EXOC1: variants seen among roughly 807,000 people sequenced by gnomAD.
EXOC1 encodes SEC3-like 1.
EXOC1 carries 67 observed loss-of-function variants against 107.7 expected under a neutral mutation model. The observed-to-expected ratio is 0.62, with a 90% CI of 0.51 to 0.76. The LOEUF (loss-of-function observed/expected upper bound fraction) is 0.76, where lower values mean the gene tolerates loss of function less well. Ranked by LOEUF, EXOC1 falls within the 30% of genes least tolerant of loss-of-function variation. The probability of loss-of-function intolerance (pLI) is 0.00; values close to 1 mark genes in which losing one functional copy is unlikely to be tolerated. For missense variants in EXOC1, 833 were observed against 1,055.7 expected, an observed-to-expected ratio of 0.79 and a Z score of 2.92; for synonymous variants, 348 against 353.5, an observed-to-expected ratio of 0.98 and a Z score of 0.17.
chr4:55,899,978 C>A, intron 17 of EXOC1, 94 bp downstream of exon 17: 1 of 1,126,446 alleles, frequency 8.9e-7, no homozygotes, highest in South Asian at 1.7e-5. Context: ...CTTAAATTTT[C>A]TCATGTGTTG....
intron 9 of EXOC1, 100 bp from the exon 10 acceptor site, chr4:55,883,723 T>C: frequency 1.5e-6 from 1 of 666,196 alleles, no homozygotes; most frequent in Admixed American, 4.0e-5. Flanking sequence ...AGTTTTGGAC[T>C]ATGAAATTTA....
chr4:55,858,735 G>C (rs1343771428), intron 2 of EXOC1, among the ~76,000 whole-genome samples: 1 of 152,106 alleles, frequency 6.6e-6, no homozygotes, highest in East Asian at 1.9e-4. Context: ...AAATTTACCT[G>C]TTTAAGCCTT....
chr4:55,854,465 G>C (rs1720770759), intron 1 of EXOC1, among the ~76,000 whole-genome samples: 1 of 151,916 alleles, frequency 6.6e-6, no homozygotes, highest in South Asian at 2.1e-4. Context: ...GGACCTCTAG[G>C]GATTTATTTA....
At chr4:55,889,548 G>A (rs184829617) in intron 11 of EXOC1, among the ~76,000 whole-genome samples, 15 of 152,206 alleles carry the variant, frequency 9.9e-5, no homozygotes, top group African/African-American at 3.6e-4. Context: ...AGTGATGTAT[G>A]TATTACATTT....
In EXOC1 at chr4:55,857,180, T is replaced by C. The variant is rs1425702631; in HGVS notation, c.-10-1134T>C. Among the ~76,000 whole-genome samples the C allele has an allele frequency of 2.8e-4, 33 of 118,988 alleles. 1 individual carries two copies. Among genetic ancestry groups the C allele is most frequent in the African/African-American group, 1.0e-3 (32 of 30,670 alleles). 78.1% of individuals were successfully genotyped at this position (118,988 alleles called of 152,430 possible). A position where few individuals can be genotyped will look rare whatever the true frequency, so the allele number is the denominator to read the frequency against. On this transcript the variant is annotated intron_variant, in intron 1 of 18. Transcript: ENST00000381295. ...ATTTCCTTTTTTTCTTTTTTTTTTT[T>C]TTTTTTTTTTTTTTTGGAGACAGAG...
chr4:55,867,201 A>T (rs1199866693), intron 4 of EXOC1, among the ~76,000 whole-genome samples: 2 of 152,174 alleles, frequency 1.3e-5, no homozygotes, highest in East Asian at 3.9e-4. Flanking sequence ...ATGACAGTTG[A>T]ACTTTTTCGC....
intron 4 of EXOC1, among the ~76,000 whole-genome samples, chr4:55,866,373 C>T (rs1721959801): frequency 6.6e-6 from 1 of 151,974 alleles, no homozygotes; most frequent in African/African-American, 2.4e-5. Flanking sequence ...GAATCTTTGA[C>T]TTGAATCCTT....
chr4:55,869,727 T>G (rs1312597879), intron 5 of EXOC1, among the ~76,000 whole-genome samples: 3 of 152,222 alleles, frequency 2.0e-5, no homozygotes, highest in Non-Finnish European at 4.4e-5. Context: ...CCCTTCTGAC[T>G]CTTAAAGTCG....
rs1011949968 is a variant in EXOC1 at position 55,893,601 on chromosome 4, C to A, written c.1774C>A (p.Pro592Thr). ...MMIKIFRCIE[P>T]ELNNLIALGD... ...GATTAAAATATTTCGCTGCATTGAG[C>A]CAGAGCTGAACAACCTAATTGCATT... is the stretch of plus-strand genomic sequence containing the variant. The change falls in exon 15 of 19, where the codon CCA becomes ACA. Residue 592 changes from proline to threonine, a missense_variant. By Grantham distance (38) the Pro-to-Thr change is conservative. Coordinates refer to ENST00000381295, the MANE Select transcript of EXOC1 (RefSeq NM_001024924.2). 1.9e-6 allele frequency: 3 copies of A among 1,613,764 alleles called. No individual in the cohort carries two copies. Among genetic ancestry groups the A allele is most frequent in the Non-Finnish European group, 2.5e-6 (3 of 1,179,986 alleles).
chr4:55,904,290 A>G (rs1726368199), intron 18 of EXOC1, 53 bp from the exon 19 acceptor site: 5 of 1,519,384 alleles, frequency 3.3e-6, no homozygotes, highest in Non-Finnish European at 3.5e-6. Context: ...TCTGCATACT[A>G]GATTACATAT....
intron 1 of EXOC1, among the ~76,000 whole-genome samples, chr4:55,855,378 T>C (rs1452509824): frequency 6.6e-6 from 1 of 152,120 alleles, no homozygotes; most frequent in Non-Finnish European, 1.5e-5. Flanking sequence ...GAAGCAAATA[T>C]GGTAGATTTT....
chr4:55,880,111 A>G (rs530492384), intron 9 of EXOC1, among the ~76,000 whole-genome samples: 5 of 152,222 alleles, frequency 3.3e-5, no homozygotes, highest in African/African-American at 1.2e-4. Flanking sequence ...ATGTATTCCT[A>G]TCCATGCATT....
At chr4:55,888,461 G>A (rs1322347819) in intron 10 of EXOC1, among the ~76,000 whole-genome samples, 1 of 151,952 alleles carries the variant, frequency 6.6e-6, no homozygotes, top group Non-Finnish European at 1.5e-5. Context: ...AGTTTTCAGG[G>A]AATACAAGAT....
chr4:55,903,700 G>C (rs779830405), intron 18 of EXOC1, among the ~76,000 whole-genome samples: 16 of 152,084 alleles, frequency 1.1e-4, no homozygotes, highest in African/African-American at 3.6e-4. Flanking sequence ...TGCTGATAAA[G>C]AGTAAGCTTC....
chr4:55,853,820 C>T lies in EXOC1; in HGVS notation c.-144C>T, dbSNP rs1479739543. 1 of 152,326 alleles carries T rather than the reference C, an allele frequency of 6.6e-6. No individual in the cohort carries two copies. The highest frequency in any genetic ancestry group is 1.5e-5 in the Non-Finnish European group (1 of 68,134). The allele number at this position is 152,326 out of a possible 1,614,324, so 9.4% of individuals were successfully genotyped here. ...GCGGTAAGCCTTCGGCCGCGGCTGC[C>T]CGGTAGTCCCGGCGGCGGCGGACAG... On this transcript the variant is annotated 5_prime_UTR_variant, in exon 1 of 19. Coordinates refer to ENST00000381295, the MANE Select transcript of EXOC1 (RefSeq NM_001024924.2).
chr4:55,865,517 G>T (rs544004287), intron 4 of EXOC1, among the ~76,000 whole-genome samples: 38 of 152,274 alleles, frequency 2.5e-4, no homozygotes, highest in Non-Finnish European at 5.0e-4. Context: ...TGACCTTCAA[G>T]AAATTTATGG....
At chr4:55,888,631 G>A (rs1000452086) in intron 10 of EXOC1, among the ~76,000 whole-genome samples, 6 of 151,404 alleles carry the variant, frequency 4.0e-5, no homozygotes, top group Admixed American at 1.3e-4. Context: ...AGTGTAGGGG[G>A]GTTACACATA....
At chr4:55,871,293 G>A (rs1722416751) in intron 7 of EXOC1, 60 bp downstream of exon 7, 1 of 1,551,078 alleles carries the variant, frequency 6.4e-7, no homozygotes, top group Admixed American at 1.9e-5. Context: ...CCTGTAACTT[G>A]TTATAAAGGT....
Position 55,864,234 on chromosome 4 carries a change from C to A in EXOC1, c.263C>A (p.Pro88His). 1.3e-6 allele frequency: 2 copies of A among 1,544,672 alleles called. No individual in the cohort carries two copies. Among genetic ancestry groups the A allele is most frequent in the Non-Finnish European group, 1.8e-6 (2 of 1,140,758 alleles). The part of the protein sequence containing the change: ...VDAKDAIKEN[P>H]EFDLHFEKIY... ...TGTATATTTTTATTTTAGGAAAATC[C>A]TGAATTTGATTTACACTTTGAAAAA... The change falls in exon 4 of 19, where the codon CCT (proline) becomes CAT (histidine). Residue 88 changes from proline (P) to histidine (H), a missense_variant. Pro to His is a moderately conservative substitution (Grantham distance 77). Transcript: ENST00000381295.
Sources: gnomAD v4.1 joint callset for allele counts (sites outside exome capture counted in the v4.1 genomes callset) on GRCh38, gnomAD v4.1.1 for gene constraint, MANE v1.5 for transcripts, NCBI Gene and HGNC (gene_info 2026-07-23, HGNC 2026-07-21) for gene names.